The following SASH1 variants were observed in gnomAD, a reference collection of about 807,000 sequenced individuals.
SASH1 encodes the protein SAM and SH3 domain-containing protein 1.
SASH1 carries 44 observed loss-of-function variants against 125.2 expected under a neutral mutation model. That is an observed-to-expected ratio of 0.35 (90% CI 0.28 to 0.45). The LOEUF is 0.45. Ranked by LOEUF, SASH1 falls within the 20% of genes least tolerant of loss-of-function variation. SASH1 has a pLI of 1.00. For synonymous variants in SASH1, 639 were observed against 649.1 expected (o/e 0.98, Z 0.24); for missense variants, 1,426 against 1,614.5 (o/e 0.88, Z 2.00).
chr6:148,505,295 G>T, intron 8 of SASH1, among the ~76,000 whole-genome samples: 1 of 152,264 alleles, frequency 6.6e-6, no homozygotes, highest in Middle Eastern at 3.4e-3. Flanking sequence ...GCTTTCACAC[G>T]TAAAAAGGTT....
chr6:148,394,091 C>T (rs1783847681), intron 2 of SASH1, among the ~76,000 whole-genome samples: 1 of 151,962 alleles, frequency 6.6e-6, no homozygotes, highest in Non-Finnish European at 1.5e-5. Flanking sequence ...TAGGGTTTTA[C>T]CATGTTGGCT....
At chr6:148,339,326 G>A (rs1781257996), upstream of SASH1, among the ~76,000 whole-genome samples, 1 of 152,006 alleles carries the variant, frequency 6.6e-6, no homozygotes. Flanking sequence ...TTACAGGAAT[G>A]AGTAACCATG....
chr6:148,362,146 C>T (rs1295937757), intron 1 of SASH1, among the ~76,000 whole-genome samples: 1 of 151,428 alleles, frequency 6.6e-6, no homozygotes, highest in Non-Finnish European at 1.5e-5. Flanking sequence ...CCAGGATGGT[C>T]TCGATATCCT....
chr6:148,461,759 A>G (rs1777621264), intron 4 of SASH1, among the ~76,000 whole-genome samples: 1 of 152,300 alleles, frequency 6.6e-6, no homozygotes, highest in African/African-American at 2.4e-5. Context: ...TTTCATATCT[A>G]TTTCTCTTAA....
In SASH1 at chr6:148,471,397, T is replaced by G. The variant is rs1296036616; in HGVS notation, c.428-20T>G. ...TTGTGCTTTTTGTTCTTTTTTTTTTTTTTTTTTTTTTTTTTTAAGGAAAAG... is the reference window on the plus strand; with the variant it reads ...TTGTGCTTTTTGTTCTTTTTTTTTTGTTTTTTTTTTTTTTTTAAGGAAAAG... On this transcript the variant is annotated intron_variant, in intron 5 of 19. Coordinates refer to ENST00000367467, the MANE Select transcript of SASH1 (RefSeq NM_015278.5). The G allele has an allele frequency of 8.0e-7, 1 of 1,254,408 alleles. No homozygotes were observed. The highest frequency in any genetic ancestry group is 2.6e-5 in the East Asian group (1 of 38,540). 77.7% of individuals were successfully genotyped at this position (1,254,408 alleles called of 1,614,324 possible). A position where few individuals can be genotyped will look rare whatever the true frequency, so the allele number is the denominator to read the frequency against.
chr6:148,298,425 T>G (rs1263556218), intron 1 of SASH1, among the ~76,000 whole-genome samples: 1 of 151,808 alleles, frequency 6.6e-6, no homozygotes, highest in South Asian at 2.1e-4. Context: ...AGCCCAGGAG[T>G]TGGAGACCAG....
the SASH1 span, among the ~76,000 whole-genome samples, chr6:148,218,943 A>G: frequency 6.6e-6 from 1 of 152,180 alleles, no homozygotes; most frequent in Non-Finnish European, 1.5e-5. Context: ...ATAACTTAGA[A>G]CTCAGAGCTG....
chr6:148,297,341 A>T (rs1377589235), intron 1 of SASH1, among the ~76,000 whole-genome samples: 1 of 152,238 alleles, frequency 6.6e-6, no homozygotes, highest in African/African-American at 2.4e-5. Context: ...TTGTGTATAA[A>T]GACAGTGACA....
chr6:148,407,667 C>G (rs560674615), intron 2 of SASH1, among the ~76,000 whole-genome samples: 2 of 152,278 alleles, frequency 1.3e-5, no homozygotes, highest in East Asian at 3.9e-4. Flanking sequence ...GAGTCTTGCT[C>G]TGTCACTCCG....
At chr6:148,270,595 A>C (rs1779039333), upstream of SASH1, among the ~76,000 whole-genome samples, 1 of 152,168 alleles carries the variant, frequency 6.6e-6, no homozygotes, top group Non-Finnish European at 1.5e-5. Context: ...TTGCTTTATC[A>C]GCCAGAATTG....
chr6:148,333,228 CTG>C (rs1238192852), intron 1 of SASH1, among the ~76,000 whole-genome samples: 2 of 151,706 alleles, frequency 1.3e-5, no homozygotes, highest in African/African-American at 2.4e-5. Flanking sequence ...TAGGGAGACT[CTG>C]TGTCTACAAA....
intron 1 of SASH1, among the ~76,000 whole-genome samples, chr6:148,376,353 G>A (rs1051069596): frequency 6.6e-6 from 1 of 152,142 alleles, no homozygotes; most frequent in African/African-American, 2.4e-5. Context: ...AGAGGAGTGA[G>A]CCACAGTGCC....
chr6:148,322,898 TTCTC>T (rs1210511111), intron 1 of SASH1, among the ~76,000 whole-genome samples: 2 of 128,292 alleles, frequency 1.6e-5, no homozygotes, highest in Non-Finnish European at 3.4e-5. Flanking sequence ...TCTTCTTTCT[TTCTC>T]TCTCTTTCTT....
rs752935119 is a variant in SASH1 at position 148,531,530 on chromosome 6, C to T, written c.1433C>T (p.Ser478Leu). The change falls in exon 13 of 20, where the codon TCG (serine) becomes TTG (leucine). Residue 478 changes from serine to leucine, a missense_variant. Ser to Leu is a moderately radical substitution (Grantham distance 145). Around this residue, in one of 3 missense-constraint regions of SASH1, gnomAD observed 225 missense variants for 344.5 expected, o/e 0.65. Transcript: ENST00000367467. ...TTTTGTTGAAACCCATGGCAGGACT[C>T]GGGCCTTGATGGAATGCCTGGCTCC... The part of the protein sequence containing the change: ...KYSSSVSEQD[S>L]GLDGMPGSPP... 56 of 1,527,218 alleles carry T rather than the reference C, an allele frequency of 3.7e-5. No homozygotes were observed. The highest frequency in any genetic ancestry group is 1.0e-4 in the Admixed American group (5 of 48,602). 94.6% of individuals were successfully genotyped at this position (1,527,218 alleles called of 1,614,324 possible). A position where few individuals can be genotyped will look rare whatever the true frequency, so the allele number is the denominator to read the frequency against.
At chr6:148,461,808 T>G (rs930092253) in intron 4 of SASH1, among the ~76,000 whole-genome samples, 1 of 152,220 alleles carries the variant, frequency 6.6e-6, no homozygotes, top group African/African-American at 2.4e-5. Context: ...GTATCTTTGA[T>G]ACCCAAAGGA....
chr6:148,368,281 CTTTTTTTG>C (rs1483395863), intron 1 of SASH1, among the ~76,000 whole-genome samples: 2 of 151,242 alleles, frequency 1.3e-5, no homozygotes, highest in African/African-American at 4.9e-5. Context: ...TCTCTTTTTT[CTTTTTTTG>C]TTTTTTAGAC....
intron 2 of SASH1, among the ~76,000 whole-genome samples, chr6:148,395,997 C>T (rs966439556): frequency 6.6e-6 from 1 of 152,074 alleles, no homozygotes; most frequent in Non-Finnish European, 1.5e-5. Flanking sequence ...GTCCCTACCC[C>T]CAGCAGCACT....
the SASH1 span, among the ~76,000 whole-genome samples, chr6:148,237,183 A>AT: frequency 0.16 from 23,713 of 147,204 alleles, 2,106 homozygotes; most frequent in East Asian, 0.33. Context: ...TTTTATCTGC[A>AT]TTTTTTTTTT....
At chr6:148,263,491 A>G in the SASH1 span, among the ~76,000 whole-genome samples, 4 of 152,222 alleles carry the variant, frequency 2.6e-5, no homozygotes, top group African/African-American at 7.2e-5. Flanking sequence ...CCTACATTAC[A>G]TTCTTGGCCA....
Sources: allele counts gnomAD v4.1 joint callset (sites outside exome capture counted in the v4.1 genomes callset), GRCh38; gene constraint gnomAD v4.1.1; regional missense constraint gnomAD v4.1.1; transcripts MANE v1.5; gene names NCBI Gene and HGNC (gene_info 2026-07-23, HGNC 2026-07-21).